Variants in TMOD1 observed in about 807,000 individuals in gnomAD.
The protein encoded by TMOD1 is tropomodulin-1.
TMOD1 carries 17 observed loss-of-function variants against 40.6 expected under a neutral mutation model. That is an observed-to-expected ratio of 0.42 (90% CI 0.29 to 0.63). The LOEUF (loss-of-function observed/expected upper bound fraction) is 0.63, where lower values mean the gene tolerates loss of function less well. Ranked by LOEUF, TMOD1 falls within the 20% of genes least tolerant of loss-of-function variation. The pLI is 0.22. For synonymous variants in TMOD1, 181 were observed against 175.0 expected (o/e 1.03, Z -0.27); for missense variants, 391 against 447.6 (o/e 0.87, Z 1.14).
rs1456300005 is a variant in TMOD1, at chr9:97,600,559, G to T, written c.*861G>T. On this transcript the variant is annotated 3_prime_UTR_variant, in exon 10 of 10. Transcript: ENST00000259365. ...ACAGTGGGCAAATGGCTTATGTGAGGTAAGACACTAGAGGGATAAATTTCC... is the reference window on the plus strand; with the variant it reads ...ACAGTGGGCAAATGGCTTATGTGAGTTAAGACACTAGAGGGATAAATTTCC... 3.0e-6 allele frequency: 3 copies of T among 985,930 alleles called. No homozygotes were observed. The highest frequency in any genetic ancestry group is 2.4e-6 in the Non-Finnish European group (2 of 830,328). The allele number at this position is 985,930 out of a possible 1,614,324, so 61.1% of individuals were successfully genotyped here. A position where few individuals can be genotyped will look rare whatever the true frequency, so the allele number is the denominator to read the frequency against.
intron 8 of TMOD1, among the ~76,000 whole-genome samples, chr9:97,586,573 C>T (rs1470682099): frequency 6.6e-6 from 1 of 151,986 alleles, no homozygotes; most frequent in Non-Finnish European, 1.5e-5. Context: ...CCTAATCAAG[C>T]CTGGGCAATG....
intron 8 of TMOD1, among the ~76,000 whole-genome samples, chr9:97,581,793 CT>C (rs1471253037): frequency 2.0e-5 from 3 of 151,902 alleles, no homozygotes; most frequent in African/African-American, 7.3e-5. Context: ...TAAATGTCTT[CT>C]TTTGAGAAGT....
intron 3 of TMOD1, among the ~76,000 whole-genome samples, chr9:97,547,425 C>A (rs1011416697): frequency 2.6e-5 from 4 of 152,296 alleles, no homozygotes; most frequent in Admixed American, 2.6e-4. Context: ...GAGTTGCAAT[C>A]CTGGCACTAC....
chr9:97,555,661 G>A (rs921223786), intron 4 of TMOD1: 1 of 1,551,152 alleles, frequency 6.4e-7, no homozygotes, highest in East Asian at 2.4e-5. Flanking sequence ...AGCATCTCTG[G>A]GGAAGGAGGG....
chr9:97,511,646 G>A (rs1479636313), intron 1 of TMOD1, among the ~76,000 whole-genome samples: 1 of 152,158 alleles, frequency 6.6e-6, no homozygotes, highest in Non-Finnish European at 1.5e-5. Flanking sequence ...GTACAGTGGT[G>A]CAAACAGGAC....
At chr9:97,551,756 G>C (rs2131253489) in intron 3 of TMOD1, among the ~76,000 whole-genome samples, 1 of 152,228 alleles carries the variant, frequency 6.6e-6, no homozygotes, top group Admixed American at 6.5e-5. Context: ...GATTATATTG[G>C]ATCTGTAGAT....
At chr9:97,580,971 T>TTTTATTTTA (rs1825738017) in intron 8 of TMOD1, among the ~76,000 whole-genome samples, 1 of 132,352 alleles carries the variant, frequency 7.6e-6, no homozygotes, top group African/African-American at 2.8e-5. Context: ...GCATAATTCT[T>TTTTATTTTA]TTTTATTTTA....
rs1018701169 is a variant in TMOD1, at chr9:97,599,629, TC to T, written c.1016-3del. The T allele has an allele frequency of 6.2e-7, 1 of 1,613,996 alleles. No homozygotes were observed. The highest frequency in any genetic ancestry group is 1.3e-5 in the African/African-American group (1 of 74,914). On this transcript the variant is annotated splice_region_variant and splice_polypyrimidine_tract_variant and intron_variant, in intron 9 of 9. Coordinates refer to ENST00000259365, the MANE Select transcript of TMOD1 (RefSeq NM_003275.4). ...GCCTTATATCTTATCTCCATTCCTT[TC>T]CAGTGAGGAAGAGGAGGCTTGCGGA...
intron 2 of TMOD1, among the ~76,000 whole-genome samples, chr9:97,540,677 T>C (rs1445527579): frequency 2.0e-5 from 3 of 152,258 alleles, no homozygotes; most frequent in Non-Finnish European, 4.4e-5. Context: ...CTTAGTATGA[T>C]GTTTTCAAGG....
rs1488790376 is a variant in TMOD1, at chr9:97,562,728, G to A, written c.398-4G>A. 2.2e-5 allele frequency: 34 copies of A among 1,542,192 alleles called. No homozygotes were observed. The highest frequency in any genetic ancestry group is 2.8e-5 in the Non-Finnish European group (32 of 1,151,160). ...CATCATGAGCCCTTCCCTTGTCCCT[G>A]CAGCGATCCTGGGCATGCACACGCT... On this transcript the variant is annotated splice_region_variant and splice_polypyrimidine_tract_variant and intron_variant, in intron 4 of 9. Transcript: ENST00000259365.
At chr9:97,544,322 G>A (rs1830324113) in intron 2 of TMOD1, among the ~76,000 whole-genome samples, 1 of 152,148 alleles carries the variant, frequency 6.6e-6, no homozygotes, top group South Asian at 2.1e-4. Context: ...TGGATCATGA[G>A]GTCAGGAGTT....
intron 1 of TMOD1, 65 bp downstream of exon 1, chr9:97,501,868 C>T (rs1156643440): frequency 6.6e-6 from 1 of 152,602 alleles, no homozygotes; most frequent in East Asian, 1.9e-4. Flanking sequence ...CGCTCCGGGG[C>T]CTCAGCCATA....
rs954650413 is a variant in TMOD1, at chr9:97,515,989, C to A, written c.-48-8152C>A. 3.8e-4 allele frequency among the ~76,000 whole-genome samples: 58 copies of A among 152,150 alleles called. 1 individual carries two copies. Among genetic ancestry groups the A allele is most frequent in the Non-Finnish European group, 1.5e-4 (10 of 68,024 alleles). On this transcript the variant is annotated intron_variant, in intron 1 of 9. Coordinates refer to ENST00000259365, the MANE Select transcript of TMOD1 (RefSeq NM_003275.4). ...ATAATTATTGCACCACCTTTTATGA[C>A]CCTGATCTCAGCCTTAAAAACTAAG...
chr9:97,584,138 T>G (rs1390973745), intron 8 of TMOD1, among the ~76,000 whole-genome samples: 1 of 151,544 alleles, frequency 6.6e-6, no homozygotes, highest in Non-Finnish European at 1.5e-5. Flanking sequence ...TGTGGGCATT[T>G]AGTGCTATAA....
intron 8 of TMOD1, among the ~76,000 whole-genome samples, chr9:97,575,182 C>T (rs1399383837): frequency 6.6e-6 from 1 of 152,182 alleles, no homozygotes; most frequent in Non-Finnish European, 1.5e-5. Flanking sequence ...AGCTTCACTC[C>T]TGAAGCCATC....
intron 8 of TMOD1, among the ~76,000 whole-genome samples, chr9:97,584,515 G>T (rs1045441293): frequency 9.9e-5 from 15 of 152,024 alleles, no homozygotes; most frequent in Non-Finnish European, 2.1e-4. Flanking sequence ...TGTCTATTAG[G>T]TCCGCCTGGT....
At chr9:97,578,602 C>G (rs1825668855) in intron 8 of TMOD1, among the ~76,000 whole-genome samples, 1 of 152,126 alleles carries the variant, frequency 6.6e-6, no homozygotes, top group African/African-American at 2.4e-5. Flanking sequence ...CAAGGTCAAG[C>G]CTTGGCTCTG....
At chr9:97,547,782 A>T (rs531699993) in intron 3 of TMOD1, among the ~76,000 whole-genome samples, 28 of 152,222 alleles carry the variant, frequency 1.8e-4, no homozygotes, top group African/African-American at 6.5e-4. Flanking sequence ...ACATCTTATC[A>T]GCATCTCTTT....
intron 4 of TMOD1, among the ~76,000 whole-genome samples, chr9:97,555,052 C>G (rs981304209): frequency 1.3e-5 from 2 of 152,120 alleles, no homozygotes; most frequent in Non-Finnish European, 2.9e-5. Flanking sequence ...GGTATTGGGA[C>G]TGAGAGAGAA....
Sources: allele counts gnomAD v4.1 joint callset (sites outside exome capture counted in the v4.1 genomes callset), GRCh38; gene constraint gnomAD v4.1.1; transcripts MANE v1.5; gene names NCBI Gene and HGNC (gene_info 2026-07-23, HGNC 2026-07-21).